The following COL5A2 variants were observed in gnomAD, a reference collection of about 807,000 sequenced individuals.
The protein encoded by COL5A2 is collagen alpha-2(V) chain.
In COL5A2, 23 loss-of-function variants were observed where a neutral mutation model predicts 208.2. The observed-to-expected ratio is 0.11, with a 90% CI of 0.08 to 0.16. COL5A2 has a LOEUF of 0.16. Ranked by LOEUF, COL5A2 falls within the 10% of genes least tolerant of loss-of-function variation. The pLI is 1.00. For missense variants in COL5A2, 1,590 were observed against 1,956.4 expected, an observed-to-expected ratio of 0.81 and a Z score of 3.53; for synonymous variants, 625 against 628.5, an observed-to-expected ratio of 0.99 and a Z score of 0.08.
chr2:189,214,464 T>C (rs1049674909), intron 1 of COL5A2, among the ~76,000 whole-genome samples: 5 of 152,132 alleles, frequency 3.3e-5, no homozygotes, highest in African/African-American at 1.2e-4. Context: ...ATTTTCCCTT[T>C]ATACATACAT....
intron 2 of COL5A2, among the ~76,000 whole-genome samples, chr2:189,104,810 C>T (rs1687119029): frequency 6.6e-6 from 1 of 151,736 alleles, no homozygotes; most frequent in South Asian, 2.1e-4. Context: ...TTATTACAGA[C>T]TCATTTTTCT....
chr2:189,291,857 C>T, the COL5A2 span, among the ~76,000 whole-genome samples: 1 of 151,554 alleles, frequency 6.6e-6, no homozygotes, highest in East Asian at 1.9e-4. Flanking sequence ...TAGGATTATA[C>T]TGAAAATGTA....
At chr2:189,051,771 A>G (rs1218719723) in intron 41 of COL5A2, among the ~76,000 whole-genome samples, 1 of 152,098 alleles carries the variant, frequency 6.6e-6, no homozygotes, top group Non-Finnish European at 1.5e-5. Context: ...TTAAAGCTCC[A>G]CTCCAATGAT....
the COL5A2 span, among the ~76,000 whole-genome samples, chr2:189,434,137 T>A: frequency 6.6e-6 from 1 of 152,192 alleles, no homozygotes; most frequent in Non-Finnish European, 1.5e-5. Context: ...CAGCCCTTCA[T>A]GCTAAAAACT....
At chr2:189,437,612 A>G in the COL5A2 span, among the ~76,000 whole-genome samples, 1 of 152,224 alleles carries the variant, frequency 6.6e-6, no homozygotes, top group South Asian at 2.1e-4. Flanking sequence ...GCTTGTGATA[A>G]TCATCACTTA....
chr2:189,328,344 T>G, the COL5A2 span, among the ~76,000 whole-genome samples: 1 of 145,150 alleles, frequency 6.9e-6, no homozygotes, highest in Non-Finnish European at 1.5e-5. Context: ...AAAACACATG[T>G]TTTTTGGCAG....
Position 189,164,402 on chromosome 2 carries a change from A to AT in COL5A2, c.97+15105dup, listed in dbSNP as rs1206216361. On this transcript the variant is annotated intron_variant, in intron 1 of 53. Transcript: ENST00000374866. ...TCCTCAAGTCAAAGCCTCTATTCTT[A>AT]TTTTTTTTTTTACTATTTAATTCCT... Among the ~76,000 whole-genome samples, 198 of 146,912 alleles carry AT rather than the reference A, an allele frequency of 1.3e-3. No individual in the cohort carries two copies. The Middle Eastern group carries it at 0.018, about 13-fold the overall frequency.
chr2:189,177,688 A>T (rs1688702747), intron 1 of COL5A2, among the ~76,000 whole-genome samples: 1 of 152,008 alleles, frequency 6.6e-6, no homozygotes, highest in Admixed American at 6.6e-5. Flanking sequence ...CTGGGGTTGG[A>T]TTGGAGTTGG....
At chr2:189,181,965 G>A (rs539054430), upstream of COL5A2, among the ~76,000 whole-genome samples, 1 of 152,300 alleles carries the variant, frequency 6.6e-6, no homozygotes, top group South Asian at 2.1e-4. Context: ...CCTGAGATAA[G>A]TAAATATTCC....
At chr2:189,312,354 C>T in the COL5A2 span, among the ~76,000 whole-genome samples, 1 of 152,232 alleles carries the variant, frequency 6.6e-6, no homozygotes, top group African/African-American at 2.4e-5. Flanking sequence ...CATGGCCAGG[C>T]CCCCGGATCC....
the COL5A2 span, among the ~76,000 whole-genome samples, chr2:189,254,194 T>C: frequency 6.6e-6 from 1 of 152,338 alleles, no homozygotes; most frequent in East Asian, 1.9e-4. Context: ...ACAAAACCTT[T>C]CCAAAAAGTA....
the COL5A2 span, among the ~76,000 whole-genome samples, chr2:189,413,018 G>C: frequency 7.9e-5 from 12 of 152,144 alleles, no homozygotes; most frequent in African/African-American, 2.9e-4. Flanking sequence ...AAGCAAGAGA[G>C]CATTTTAGGT....
chr2:189,071,680 C>G (rs1204296491), intron 18 of COL5A2, among the ~76,000 whole-genome samples: 1 of 152,036 alleles, frequency 6.6e-6, no homozygotes, highest in Non-Finnish European at 1.5e-5. Context: ...TTGGAACATT[C>G]TGCTGTTTAT....
rs529407381 is a variant in COL5A2 at position 189,049,667 on chromosome 2, A to G, written c.3040-213T>C. Among the ~76,000 whole-genome samples, 3 of 152,314 alleles carry G rather than the reference A, an allele frequency of 2.0e-5. No individual in the cohort carries two copies. In the East Asian group the frequency reaches 5.8e-4, roughly 29 times the overall value. ...GACGTATCTAAGGGACCAAAAACCA[A>G]CCATCTGTTGCCACCAGCACAGGTG... On this transcript the variant is annotated intron_variant, in intron 43 of 53. Coordinates refer to ENST00000374866, the MANE Select transcript of COL5A2 (RefSeq NM_000393.5).
chr2:189,081,450 C>A (rs930839150), intron 12 of COL5A2, among the ~76,000 whole-genome samples: 16 of 152,182 alleles, frequency 1.1e-4, no homozygotes, highest in African/African-American at 3.6e-4. Flanking sequence ...ATAAAATATC[C>A]TTTTCCTTCT....
chr2:189,418,912 G>C, the COL5A2 span, among the ~76,000 whole-genome samples: 1 of 152,184 alleles, frequency 6.6e-6, no homozygotes, highest in African/African-American at 2.4e-5. Context: ...CTGTTCATAA[G>C]ACCAAGGGAT....
At chr2:189,061,666 C>T (rs1686035959) in intron 29 of COL5A2, 51 bp from the exon 30 acceptor site, 1 of 1,339,726 alleles carries the variant, frequency 7.5e-7, no homozygotes, top group Non-Finnish European at 1.1e-6. Flanking sequence ...TCTTTGTCTG[C>T]TTCCTCTCTA....
the COL5A2 span, among the ~76,000 whole-genome samples, chr2:189,422,267 T>C: frequency 6.6e-6 from 1 of 151,436 alleles, no homozygotes; most frequent in African/African-American, 2.4e-5. Context: ...TTTAGGAAAA[T>C]AGAGAGAGAT....
chr2:189,170,232 C>A (rs1017055213), intron 1 of COL5A2, among the ~76,000 whole-genome samples: 35 of 151,996 alleles, frequency 2.3e-4, no homozygotes, highest in South Asian at 1.0e-3. Context: ...TTTCCAAAAC[C>A]TAAATTTGAA....
Sources: allele counts gnomAD v4.1 joint callset (sites outside exome capture counted in the v4.1 genomes callset), GRCh38; gene constraint gnomAD v4.1.1; transcripts MANE v1.5; gene names NCBI Gene and HGNC (gene_info 2026-07-23, HGNC 2026-07-21).